Variants in DSCAML1 observed in about 807,000 individuals in gnomAD.
The protein encoded by DSCAML1 is cell adhesion molecule DSCAML1.
A neutral mutation model predicts 200.5 loss-of-function variants in DSCAML1; 38 were observed. The ratio of observed to expected loss-of-function variants is 0.19; its 90% CI spans 0.15 to 0.25. DSCAML1 has a LOEUF of 0.25. DSCAML1 is among the 10% of genes least tolerant of loss of function. The probability of loss-of-function intolerance (pLI) is 1.00; values close to 1 mark genes in which losing one functional copy is unlikely to be tolerated. For missense variants in DSCAML1, 2,223 were observed against 2,858.8 expected (o/e 0.78, Z 5.07); for synonymous variants, 1,215 against 1,165.0 (o/e 1.04, Z -0.87).
Position 117,444,055 on chromosome 11 carries a change from A to G in DSCAML1, c.3709-16T>C. ...CGCTGGGAGCCTGCGGGGCAGAGGC[A>G]AAGAGGCTCTAAGAAGCAGAACTGG... On this transcript the variant is annotated splice_polypyrimidine_tract_variant and intron_variant, in intron 20 of 32. Coordinates refer to ENST00000651296, the MANE Select transcript of DSCAML1 (RefSeq NM_020693.4). 1.2e-6 allele frequency: 2 copies of G among 1,600,354 alleles called. No individual in the cohort carries two copies. Among genetic ancestry groups the G allele is most frequent in the Non-Finnish European group, 1.7e-6 (2 of 1,170,500 alleles).
At chr11:117,808,923 C>A (rs2055732036) in intron 1 of DSCAML1, among the ~76,000 whole-genome samples, 1 of 152,194 alleles carries the variant, frequency 6.6e-6, no homozygotes, top group Non-Finnish European at 1.5e-5. Flanking sequence ...CAAACCCCAT[C>A]TCACAGATGA....
At chr11:117,729,345 C>T (rs2054181931) in intron 3 of DSCAML1, among the ~76,000 whole-genome samples, 1 of 152,166 alleles carries the variant, frequency 6.6e-6, no homozygotes, top group South Asian at 2.1e-4. Context: ...GATAAATCTT[C>T]ATGCCCTCAG....
chr11:117,428,399 T>C lies in DSCAML1; in HGVS notation c.6091A>G (p.Ser2031Gly). The change falls in exon 33 of 33, where the codon AGC (serine) becomes GGC (glycine). Residue 2031 changes from serine (S) to glycine (G), a missense_variant. This residue lies in a region of DSCAML1 where 280 missense variants were observed against 213.4 expected (regional missense o/e 1.31). Transcript: ENST00000651296. ...GGSRDSLLEM[S>G]TSGVGRSQKQ... ...TGAGACCTCCCTACCCCCGATGTGCTCATCTCGAGAAGCGAGTCCCTGGAG... is the reference window on the plus strand; with the variant it reads ...TGAGACCTCCCTACCCCCGATGTGCCCATCTCGAGAAGCGAGTCCCTGGAG... 1.3e-6 allele frequency: 2 copies of C among 1,576,618 alleles called. No homozygotes were observed. The highest frequency in any genetic ancestry group is 2.2e-5 in the East Asian group (1 of 44,530).
intron 3 of DSCAML1, among the ~76,000 whole-genome samples, chr11:117,649,197 C>T (rs974986039): frequency 7.2e-5 from 11 of 152,080 alleles, no homozygotes; most frequent in African/African-American, 2.4e-4. Context: ...CCTGCCTCAG[C>T]CACCCCAGCA....
chr11:117,440,047 G>T, intron 21 of DSCAML1, 111 bp from the exon 22 acceptor site: 2 of 908,804 alleles, frequency 2.2e-6, no homozygotes, highest in Non-Finnish European at 3.5e-6. Flanking sequence ...TCCCCGATCT[G>T]ACCTCCACCT....
At position 117,780,231 on chromosome 11, in the gene DSCAML1, GGAAAGAAAGAAAGAAA is replaced by G. The variant is rs762329735; in HGVS notation, c.364+246_364+261del. Reference sequence around the variant, plus strand: ...AAAGAGAGAGAGAGAAAGAAAGAAAGGAAAGAAAGAAAGAAAGAAAGAAAGAAAGAAAGAAAGAAAG... The same window carrying G: ...AAAGAGAGAGAGAGAAAGAAAGAAAGGAAAGAAAGAAAGAAAGAAAGAAAG... On this transcript the variant is annotated intron_variant, in intron 2 of 32. Transcript: ENST00000651296. This position sits in a 1 kb window ranked among gnomAD's most constrained non-coding sequence, Gnocchi z 4.8. Among the ~76,000 whole-genome samples, 106 of 60,688 alleles carry G rather than the reference GGAAAGAAAGAAAGAAA, an allele frequency of 1.7e-3. No individual in the cohort carries two copies. The highest frequency in any genetic ancestry group is 2.8e-3 in the African/African-American group (43 of 15,298). The allele number at this position is 60,688 out of a possible 152,430, so 39.8% of individuals were successfully genotyped here.
At chr11:117,728,003 C>T (rs944793002) in intron 3 of DSCAML1, among the ~76,000 whole-genome samples, 8 of 152,020 alleles carry the variant, frequency 5.3e-5, no homozygotes, top group Admixed American at 4.6e-4. Flanking sequence ...ATTTGCTGTC[C>T]CTAAGAAATC....
chr11:117,814,654 C>A (rs896253564), intron 1 of DSCAML1, among the ~76,000 whole-genome samples: 1 of 152,152 alleles, frequency 6.6e-6, no homozygotes, highest in Non-Finnish European at 1.5e-5. Context: ...AGATGCAATC[C>A]CTCCCTCATG....
chr11:117,617,943 G>A (rs1418693513), intron 3 of DSCAML1, among the ~76,000 whole-genome samples: 1 of 152,126 alleles, frequency 6.6e-6, no homozygotes, highest in Non-Finnish European at 1.5e-5. Context: ...AGGTAACCAT[G>A]CAGGACAACA....
intron 3 of DSCAML1, among the ~76,000 whole-genome samples, chr11:117,619,287 T>A (rs966569825): frequency 1.3e-5 from 2 of 152,180 alleles, no homozygotes; most frequent in Admixed American, 6.5e-5. Flanking sequence ...GATGCTGTCA[T>A]GGTACAGCAG....
intron 3 of DSCAML1, among the ~76,000 whole-genome samples, chr11:117,609,017 A>G (rs1160055922): frequency 8.7e-6 from 1 of 114,736 alleles, no homozygotes. Flanking sequence ...CAAACAAACA[A>G]ACAAACAAAC....
chr11:117,785,948 G>A (rs775811172), intron 1 of DSCAML1, among the ~76,000 whole-genome samples: 1 of 152,152 alleles, frequency 6.6e-6, no homozygotes, highest in Non-Finnish European at 1.5e-5. Flanking sequence ...CTCCAAACCC[G>A]AGCTTTTTCC....
chr11:117,503,799 G>A lies in DSCAML1; in HGVS notation c.2359+46C>T. The A allele has an allele frequency of 6.3e-7, 1 of 1,584,538 alleles. No individual in the cohort carries two copies. The highest frequency in any genetic ancestry group is 1.3e-5 in the African/African-American group (1 of 74,708). ...CAGGGAGAGTGCAGAGCCGGGGCTTGGCTGTGATTTGGGGGTGCTAGGGGG... is the reference window on the plus strand; with the variant it reads ...CAGGGAGAGTGCAGAGCCGGGGCTTAGCTGTGATTTGGGGGTGCTAGGGGG... On this transcript the variant is annotated intron_variant, in intron 11 of 32. Transcript: ENST00000651296. The surrounding 1 kb of genome is among the most constrained non-coding windows in gnomAD (Gnocchi z 5.2).
chr11:117,437,440 G>C lies in DSCAML1; in HGVS notation c.4433-31C>G, dbSNP rs2047943271. ...AGGCCGGAGGGAGAGAGAGAGGTTA[G>C]AGAGATTTGGTGGGAGGCAGGACTG... On this transcript the variant is annotated intron_variant, in intron 25 of 32. Coordinates refer to ENST00000651296, the MANE Select transcript of DSCAML1 (RefSeq NM_020693.4). This position sits in a 1 kb window ranked among gnomAD's most constrained non-coding sequence, Gnocchi z 5.3. The C allele has an allele frequency of 6.3e-6, 10 of 1,598,716 alleles. No homozygotes were observed. The East Asian group carries it at 1.8e-4, about 29-fold the overall frequency.
intron 3 of DSCAML1, among the ~76,000 whole-genome samples, chr11:117,645,480 A>G (rs2052503603): frequency 6.6e-6 from 1 of 152,138 alleles, no homozygotes; most frequent in African/African-American, 2.4e-5. Flanking sequence ...GCGGACCAGC[A>G]TAAAGAATTA....
At chr11:117,728,758 A>T (rs2054173927) in intron 3 of DSCAML1, among the ~76,000 whole-genome samples, 2 of 152,222 alleles carry the variant, frequency 1.3e-5, no homozygotes, top group Admixed American at 6.5e-5. Flanking sequence ...ATGCTCTGAA[A>T]ACCATAAAAC....
intron 3 of DSCAML1, among the ~76,000 whole-genome samples, chr11:117,557,732 T>TGAGA (rs2050585025): frequency 2.6e-5 from 4 of 151,780 alleles, no homozygotes; most frequent in South Asian, 2.1e-4. Context: ...AGGGAGGCAG[T>TGAGA]GAGAAGGAAC....
intron 3 of DSCAML1, among the ~76,000 whole-genome samples, chr11:117,694,456 G>A (rs906821719): frequency 4.6e-5 from 7 of 151,936 alleles, no homozygotes; most frequent in African/African-American, 1.5e-4. Flanking sequence ...CTTGAAACCT[G>A]TTCTGTTCGT....
At chr11:117,483,565 C>T (rs2048974032) in intron 11 of DSCAML1, among the ~76,000 whole-genome samples, 1 of 152,170 alleles carries the variant, frequency 6.6e-6, no homozygotes, top group African/African-American at 2.4e-5. Flanking sequence ...TGAGAACAGA[C>T]AAGACTAGCA....
Sources: gnomAD v4.1 joint callset for allele counts (sites outside exome capture counted in the v4.1 genomes callset) on GRCh38, gnomAD v4.1.1 for gene constraint, gnomAD v4.1.1 regional missense constraint, Gnocchi (gnomAD v3.1) non-coding constraint, MANE v1.5 for transcripts, NCBI Gene and HGNC (gene_info 2026-07-23, HGNC 2026-07-21) for gene names.